Variants in PRKAR1B observed in about 807,000 individuals in gnomAD.
The protein encoded by PRKAR1B is protein kinase cAMP-dependent type I regulatory subunit beta.
Under a neutral mutation model 46.5 loss-of-function variants are expected in PRKAR1B, and 22 were observed. That is an observed-to-expected ratio of 0.47 (90% CI 0.34 to 0.68). The LOEUF (loss-of-function observed/expected upper bound fraction) is 0.68, where lower values mean the gene tolerates loss of function less well. Among genes scored for constraint, PRKAR1B ranks in the 30% least tolerant of loss-of-function variants. The probability of loss-of-function intolerance (pLI) is 0.01; values close to 1 mark genes in which losing one functional copy is unlikely to be tolerated. For synonymous variants in PRKAR1B, 259 were observed against 217.7 expected (o/e 1.19, Z -1.67); for missense variants, 445 against 535.6 (o/e 0.83, Z 1.67).
intron 9 of PRKAR1B, among the ~76,000 whole-genome samples, chr7:556,739 T>G (rs1189187196): frequency 6.6e-6 from 1 of 152,118 alleles, no homozygotes; most frequent in Non-Finnish European, 1.5e-5. Context: ...ACGTCGACCC[T>G]CCACCTTTAA....
At position 550,881 on chromosome 7, in the gene PRKAR1B, C is replaced by T. The variant is rs150167141; in HGVS notation, c.974-279G>A. Among the ~76,000 whole-genome samples, 1,457 of 151,532 alleles carry T rather than the reference C, an allele frequency of 9.6e-3. 33 individuals carry two copies. Among genetic ancestry groups the T allele is most frequent in the African/African-American group, 0.032 (1,302 of 41,144 alleles). ...CAGGAATGCCCAGGTGTGCCCAGGC[C>T]TCCCTTAGGACCCAGACCCCCAGCT... On this transcript the variant is annotated intron_variant, in intron 10 of 10. Transcript: ENST00000537384.
intron 6 of PRKAR1B, among the ~76,000 whole-genome samples, chr7:598,786 C>T (rs561761195): frequency 2.0e-5 from 3 of 152,304 alleles, no homozygotes; most frequent in East Asian, 1.9e-4. Context: ...GCCAGGGAGG[C>T]GGGTAACATC....
At chr7:700,708 A>G (rs1233741420) in intron 2 of PRKAR1B, among the ~76,000 whole-genome samples, 1 of 152,190 alleles carries the variant, frequency 6.6e-6, no homozygotes, top group African/African-American at 2.4e-5. Flanking sequence ...GGAGAACAGG[A>G]GGAGGAGTAG....
chr7:678,825 C>T (rs1362432529), intron 3 of PRKAR1B, among the ~76,000 whole-genome samples: 3 of 152,264 alleles, frequency 2.0e-5, no homozygotes, highest in African/African-American at 7.2e-5. Context: ...GTGGCTCACA[C>T]CTGTAATCCC....
chr7:622,410 G>C (rs936934727), intron 4 of PRKAR1B, among the ~76,000 whole-genome samples: 1 of 152,218 alleles, frequency 6.6e-6, no homozygotes, highest in African/African-American at 2.4e-5. Context: ...GAGGCTAAAA[G>C]AAATAAAGAA....
intron 8 of PRKAR1B, among the ~76,000 whole-genome samples, chr7:583,453 C>CCA (rs1554287168): frequency 0.016 from 2,326 of 141,984 alleles, 95 homozygotes; most frequent in African/African-American, 0.06. Flanking sequence ...ACACTCACAC[C>CCA]CACTCACACA....
chr7:599,581 C>T (rs758585788), intron 6 of PRKAR1B, among the ~76,000 whole-genome samples: 1 of 152,220 alleles, frequency 6.6e-6, no homozygotes, highest in Non-Finnish European at 1.5e-5. Flanking sequence ...AGCCACCACG[C>T]CCAGCTTCTC....
intron 2 of PRKAR1B, among the ~76,000 whole-genome samples, chr7:703,870 C>A (rs1780184206): frequency 6.6e-6 from 1 of 152,102 alleles, no homozygotes; most frequent in South Asian, 2.1e-4. Flanking sequence ...AAGCTATGTT[C>A]CCTGACCATA....
intron 9 of PRKAR1B, among the ~76,000 whole-genome samples, chr7:569,789 G>A (rs942099948): frequency 4.6e-5 from 7 of 152,150 alleles, no homozygotes; most frequent in African/African-American, 1.4e-4. Context: ...TCTAAGCACC[G>A]AGGAAGCTCT....
intron 6 of PRKAR1B, 130 bp from the exon 7 acceptor site, chr7:596,434 C>T: frequency 8.7e-7 from 1 of 1,150,530 alleles, no homozygotes; most frequent in Non-Finnish European, 1.2e-6. Context: ...AGCCCTTTCG[C>T]TTGTGGGCAG....
chr7:641,247 C>A (rs1303354434), intron 4 of PRKAR1B, among the ~76,000 whole-genome samples: 1 of 152,144 alleles, frequency 6.6e-6, no homozygotes, highest in African/African-American at 2.4e-5. Context: ...CCACCGCGCC[C>A]GGCCGGAAAA....
intron 2 of PRKAR1B, among the ~76,000 whole-genome samples, chr7:694,999 C>G (rs1162040881): frequency 6.6e-6 from 1 of 151,280 alleles, no homozygotes; most frequent in Non-Finnish European, 1.5e-5. Flanking sequence ...CCACTGCACT[C>G]CAGCCTGGGG....
At chr7:724,323 G>A (rs550136245) in intron 1 of PRKAR1B, among the ~76,000 whole-genome samples, 1 of 152,328 alleles carries the variant, frequency 6.6e-6, no homozygotes, top group East Asian at 1.9e-4. Context: ...GACCCAGTGG[G>A]AGGTAACTGA....
chr7:602,872 G>T lies in PRKAR1B; in HGVS notation c.549+3321C>A, dbSNP rs1034174828. Among the ~76,000 whole-genome samples the T allele has an allele frequency of 1.3e-5, 2 of 151,446 alleles. No individual in the cohort carries two copies. The highest frequency in any genetic ancestry group is 3.9e-4 in the East Asian group (2 of 5,182). ...ACGGCTCAGCCACACAAGGGCCTGG[G>T]CAAAGGTCACGGCCAGCAAAGAACA... On this transcript the variant is annotated intron_variant, in intron 6 of 10. Coordinates refer to ENST00000537384, the MANE Select transcript of PRKAR1B (RefSeq NM_001164760.2). The surrounding 1 kb of genome is among the most constrained non-coding windows in gnomAD (Gnocchi z 6.4).
intron 4 of PRKAR1B, among the ~76,000 whole-genome samples, chr7:670,931 G>A (rs1562603857): frequency 6.6e-6 from 1 of 152,242 alleles, no homozygotes; most frequent in African/African-American, 2.4e-5. Context: ...CCAGATACCG[G>A]AGATGATCGT....
At chr7:582,883 G>C (rs1016456707) in intron 8 of PRKAR1B, among the ~76,000 whole-genome samples, 1 of 152,218 alleles carries the variant, frequency 6.6e-6, no homozygotes, top group Non-Finnish European at 1.5e-5. Flanking sequence ...TCCCCCTCTC[G>C]GCCCCTATAA....
intron 4 of PRKAR1B, among the ~76,000 whole-genome samples, chr7:614,371 C>T (rs765975529): frequency 2.0e-5 from 3 of 152,232 alleles, no homozygotes; most frequent in Non-Finnish European, 2.9e-5. Context: ...CCTGAGAGAA[C>T]GCCCCGTTTA....
At chr7:567,498 A>ATCATCACCATCACCT (rs1303082516) in intron 9 of PRKAR1B, among the ~76,000 whole-genome samples, 23 of 147,236 alleles carry the variant, frequency 1.6e-4, no homozygotes, top group African/African-American at 5.3e-4. Context: ...CACCATCACC[A>ATCATCACCATCACCT]TCATCACCAT....
At chr7:657,132 GATGA>G (rs567587596) in intron 4 of PRKAR1B, among the ~76,000 whole-genome samples, 16 of 151,636 alleles carry the variant, frequency 1.1e-4, no homozygotes, top group Admixed American at 2.0e-4. Context: ...TGGATAGATG[GATGA>G]ATGAATGAAT....
Sources: gnomAD v4.1 joint callset for allele counts (sites outside exome capture counted in the v4.1 genomes callset) on GRCh38, gnomAD v4.1.1 for gene constraint, Gnocchi (gnomAD v3.1) non-coding constraint, MANE v1.5 for transcripts, NCBI Gene and HGNC (gene_info 2026-07-23, HGNC 2026-07-21) for gene names.